Variants in RIMS2 observed in about 807,000 individuals in gnomAD.
The protein encoded by RIMS2 is regulating synaptic membrane exocytosis 2, also known as regulating synaptic membrane exocytosis protein 2.
A neutral mutation model predicts 174.4 loss-of-function variants in RIMS2; 59 were observed. The observed-to-expected ratio is 0.34, with a 90% CI of 0.27 to 0.42. The LOEUF is 0.42. RIMS2 is among the 10% of genes least tolerant of loss of function. The pLI is 1.00. For synonymous variants in RIMS2, 606 were observed against 572.5 expected, an observed-to-expected ratio of 1.06 and a Z score of -0.84; for missense variants, 1,620 against 1,666.3, an observed-to-expected ratio of 0.97 and a Z score of 0.48.
intron 4 of RIMS2, among the ~76,000 whole-genome samples, chr8:103,905,614 T>C (rs969017072): frequency 2.6e-5 from 4 of 151,932 alleles, no homozygotes; most frequent in African/African-American, 9.7e-5. Flanking sequence ...TGTAGGCTTA[T>C]ATCTTTGGCC....
intron 1 of RIMS2, among the ~76,000 whole-genome samples, chr8:103,590,224 AAAATT>A (rs1247559227): frequency 6.6e-6 from 1 of 151,480 alleles, no homozygotes; most frequent in African/African-American, 2.4e-5. Context: ...TGTATCCACA[AAAATT>A]AAAAACAAAA....
rs10578958 is a variant in RIMS2, at chr8:104,155,409, C to CTT, written c.3335-89488_3335-89487dup. The stretch of plus-strand genomic sequence containing the variant: ...GCATGAGCCACCGCGCCCGGCCTTG[C>CTT]TTTTTTTTTTTTTTTTTTTTCTGAG... On this transcript the variant is annotated intron_variant, in intron 19 of 23. Transcript: ENST00000504942. Among the ~76,000 whole-genome samples the CTT allele has an allele frequency of 2.3e-3, 186 of 81,010 alleles. 6 individuals carry two copies. The highest frequency in any genetic ancestry group is 6.6e-3 in the African/African-American group (126 of 19,184). 53.1% of individuals were successfully genotyped at this position (81,010 alleles called of 152,430 possible). A position where few individuals can be genotyped will look rare whatever the true frequency, so the allele number is the denominator to read the frequency against.
chr8:103,559,351 C>A, intron 1 of RIMS2: 1 of 265,764 alleles, frequency 3.8e-6, no homozygotes, highest in South Asian at 4.3e-5. Context: ...CCTTTATGCC[C>A]TTGGTGGTGA....
chr8:104,217,906 A>G (rs1290060235), intron 19 of RIMS2, among the ~76,000 whole-genome samples: 1 of 152,222 alleles, frequency 6.6e-6, no homozygotes, highest in African/African-American at 2.4e-5. Context: ...ACAGCAAAAA[A>G]TAAAAAATAA....
exon 4 of RIMS2, chr8:103,885,450 T>G: frequency 6.2e-7 from 1 of 1,612,682 alleles, no homozygotes; most frequent in Middle Eastern, 1.7e-4. Context: ...GAACCTCAGT[T>G]TTATGAAGAC....
intron 1 of RIMS2, among the ~76,000 whole-genome samples, chr8:103,521,220 G>A (rs553716270): frequency 6.6e-6 from 1 of 151,648 alleles, no homozygotes; most frequent in East Asian, 1.9e-4. Context: ...CACCAACATG[G>A]CACATGTATA....
At chr8:103,918,354 A>G in intron 8 of RIMS2, 87 bp from the exon 12 acceptor site, 1 of 756,206 alleles carries the variant, frequency 1.3e-6, no homozygotes, top group Non-Finnish European at 2.1e-6. Flanking sequence ...ACACTCTCCT[A>G]TTAATAGGTT....
intron 1 of RIMS2, among the ~76,000 whole-genome samples, chr8:103,685,480 A>C (rs527400282): frequency 6.6e-6 from 1 of 152,254 alleles, no homozygotes; most frequent in South Asian, 2.1e-4. Flanking sequence ...ACCAGGCCCC[A>C]CCTCCAACAT....
chr8:103,560,998 A>T (rs2091496327), intron 1 of RIMS2, among the ~76,000 whole-genome samples: 1 of 152,198 alleles, frequency 6.6e-6, no homozygotes, highest in Middle Eastern at 3.2e-3. Context: ...AGCATTTTTT[A>T]GAGTTTGTTT....
At chr8:103,607,753 A>C (rs1161706213) in intron 1 of RIMS2, among the ~76,000 whole-genome samples, 1 of 134,600 alleles carries the variant, frequency 7.4e-6, no homozygotes, top group Non-Finnish European at 1.6e-5. Context: ...CATTCATTTC[A>C]TCTTCCATTG....
At chr8:104,049,648 G>T (rs1376374499) in intron 19 of RIMS2, among the ~76,000 whole-genome samples, 1 of 152,046 alleles carries the variant, frequency 6.6e-6, no homozygotes, top group African/African-American at 2.4e-5. Context: ...TTGATAATTT[G>T]TGTGTATGTG....
chr8:103,845,502 T>C (rs981747413), intron 3 of RIMS2, among the ~76,000 whole-genome samples: 2 of 152,172 alleles, frequency 1.3e-5, no homozygotes, highest in Non-Finnish European at 2.9e-5. Context: ...CTCTAAATCA[T>C]GTCGTATTAG....
chr8:104,041,849 T>C (rs2096614876), intron 19 of RIMS2, among the ~76,000 whole-genome samples: 1 of 151,650 alleles, frequency 6.6e-6, no homozygotes, highest in African/African-American at 2.4e-5. Flanking sequence ...GTGGATAACA[T>C]GCACTGTTTA....
intron 19 of RIMS2, among the ~76,000 whole-genome samples, chr8:104,136,376 G>A (rs374549195): frequency 5.9e-5 from 9 of 152,136 alleles, no homozygotes; most frequent in African/African-American, 2.2e-4. Context: ...AGGAATAAAG[G>A]GAATTTCCAA....
intron 3 of RIMS2, among the ~76,000 whole-genome samples, chr8:103,794,900 A>G (rs1200309503): frequency 1.3e-5 from 2 of 152,244 alleles, no homozygotes; most frequent in African/African-American, 4.8e-5. Context: ...ATCTCACACC[A>G]GTTAGAATGG....
Position 103,837,421 on chromosome 8 carries a change from G to A in RIMS2, c.699-47877G>A, listed in dbSNP as rs903516049. Among the ~76,000 whole-genome samples, 26 of 152,218 alleles carry A rather than the reference G, an allele frequency of 1.7e-4. No individual in the cohort carries two copies. In the East Asian group the frequency reaches 4.2e-3, roughly 25 times the overall value. On this transcript the variant is annotated intron_variant, in intron 3 of 23. Coordinates refer to ENST00000504942, the Ensembl canonical transcript of RIMS2. ...AAGTTTTAGGGTACATGTGCACAAC[G>A]TGCAGGTTAGTTACATATGTATACA...
intron 2 of RIMS2, among the ~76,000 whole-genome samples, chr8:103,716,767 T>G (rs1028485588): frequency 6.6e-6 from 1 of 152,164 alleles, no homozygotes. Context: ...GAAGTATATA[T>G]TTGGCAGTTG....
At chr8:103,732,035 T>C in intron 2 of RIMS2, among the ~76,000 whole-genome samples, 1 of 152,238 alleles carries the variant, frequency 6.6e-6, no homozygotes, top group Non-Finnish European at 1.5e-5. Context: ...GTATTTATTA[T>C]AGTCTTCACA....
chr8:103,757,436 C>T (rs1355628184), intron 2 of RIMS2, among the ~76,000 whole-genome samples: 2 of 151,940 alleles, frequency 1.3e-5, no homozygotes, highest in South Asian at 2.1e-4. Context: ...ATGGTAGGTT[C>T]GTCTTTATTC....
Sources: allele counts gnomAD v4.1 joint callset (sites outside exome capture counted in the v4.1 genomes callset), GRCh38; gene constraint gnomAD v4.1.1; transcripts MANE v1.5; gene names NCBI Gene and HGNC (gene_info 2026-07-23, HGNC 2026-07-21).